Variants in ZNF257 observed in about 807,000 individuals in gnomAD.
ZNF257 encodes the protein bone marrow zinc finger 4.
In ZNF257, 12 loss-of-function variants were observed where a neutral mutation model predicts 11.9. The ratio of observed to expected loss-of-function variants is 1.01; its 90% confidence interval spans 0.65 to 1.63. ZNF257 has a LOEUF of 1.63. Ranked by LOEUF, ZNF257 falls within the 40% of genes most tolerant of loss-of-function variation. The pLI, the probability that ZNF257 is intolerant of heterozygous loss-of-function variation, is 0.00. For missense variants in ZNF257, 580 were observed against 665.5 expected, an observed-to-expected ratio of 0.87 and a Z score of 1.41; for synonymous variants, 183 against 222.7, an observed-to-expected ratio of 0.82 and a Z score of 1.59.
In ZNF257 at chr19:22,089,071, A is replaced by G; in HGVS notation, c.1321A>G (p.Asn441Asp). ...YKCEECGKAF[N>D]RSSYLIRHKI... ...ATGTGAAGAGTGTGGCAAAGCCTTT[A>G]ACCGGTCTTCATACCTTATTCGACA... Residue 441 changes from asparagine to aspartate, a missense_variant, in exon 4 of 4, where the codon AAC (asparagine) becomes GAC (aspartate). By Grantham distance (23) the Asn-to-Asp change is conservative. Transcript: ENST00000594947. 1.2e-6 allele frequency: 2 copies of G among 1,613,614 alleles called. No individual in the cohort carries two copies. The highest frequency in any genetic ancestry group is 1.7e-6 in the Non-Finnish European group (2 of 1,179,844).
chr19:22,090,970 A>T lies in ZNF257; in HGVS notation c.*1528A>T, dbSNP rs1331905334. On this transcript the variant is annotated 3_prime_UTR_variant, in exon 4 of 4. Coordinates refer to ENST00000594947, the MANE Select transcript of ZNF257 (RefSeq NM_033468.4). ...GAGGTTCTTTGTGGTTAACTTAGTGATGTATGAAGTAGTTGCTCATGTTAT... is the reference window on the plus strand; with the variant it reads ...GAGGTTCTTTGTGGTTAACTTAGTGTTGTATGAAGTAGTTGCTCATGTTAT... 1 of 152,144 alleles carries T rather than the reference A, an allele frequency of 6.6e-6. No individual in the cohort carries two copies. Among genetic ancestry groups the T allele is most frequent in the Non-Finnish European group, 1.5e-5 (1 of 68,034 alleles). The allele number at this position is 152,144 out of a possible 1,614,324, so 9.4% of individuals were successfully genotyped here.
intron 3 of ZNF257, among the ~76,000 whole-genome samples, chr19:22,082,438 CTG>C (rs1235257155): frequency 6.6e-6 from 1 of 152,132 alleles, no homozygotes; most frequent in African/African-American, 2.4e-5. Flanking sequence ...CCTCCTAAAA[CTG>C]TAAGATTACA....
chr19:22,054,127 C>T (rs927941419), intron 1 of ZNF257, among the ~76,000 whole-genome samples: 1 of 149,770 alleles, frequency 6.7e-6, no homozygotes, highest in Admixed American at 6.7e-5. Context: ...GGCTGGAGTG[C>T]AGGGGCGAGA....
chr19:22,057,064 T>C (rs1028118368), intron 1 of ZNF257, among the ~76,000 whole-genome samples: 7 of 152,224 alleles, frequency 4.6e-5, no homozygotes, highest in Non-Finnish European at 5.9e-5. Context: ...TTAAATTTTA[T>C]GAGATTAAAC....
chr19:22,068,156 C>CT (rs758701719), intron 1 of ZNF257, among the ~76,000 whole-genome samples: 6,393 of 121,206 alleles, frequency 0.053, 547 homozygotes, highest in African/African-American at 0.16. Flanking sequence ...CTCTGTCCCT[C>CT]TTTTTTTTTT....
chr19:22,087,469 A>T, intron 3 of ZNF257: 1 of 807,630 alleles, frequency 1.2e-6, no homozygotes, highest in East Asian at 3.4e-5. Flanking sequence ...TGCTGCTGTA[A>T]CATTTACCTT....
rs1478331764 is a variant in ZNF257, at chr19:22,072,830, G to A, written c.25G>A (p.Val9Met). MGPLTIRD[V>M]TVEFSLEEWH... ...TCAGGGACCACTGACAATTAGGGATGTGACTGTAGAATTCTCTCTGGAGGA... is the reference window on the plus strand; with the variant it reads ...TCAGGGACCACTGACAATTAGGGATATGACTGTAGAATTCTCTCTGGAGGA... The change falls in exon 2 of 4, where the codon GTG becomes ATG. Residue 9 changes from valine to methionine, a missense_variant. Transcript: ENST00000594947. The A allele has an allele frequency of 6.2e-7, 1 of 1,612,880 alleles. No homozygotes were observed. Among genetic ancestry groups the A allele is most frequent in the Admixed American group, 1.7e-5 (1 of 59,810 alleles).
intron 1 of ZNF257, among the ~76,000 whole-genome samples, chr19:22,055,049 C>T (rs1025495748): frequency 6.6e-6 from 1 of 151,270 alleles, no homozygotes; most frequent in Non-Finnish European, 1.5e-5. Context: ...TTAAGATTGT[C>T]TTCACCCAAC....
chr19:22,054,208 G>T (rs1052327474), intron 1 of ZNF257, among the ~76,000 whole-genome samples: 1 of 151,872 alleles, frequency 6.6e-6, no homozygotes, highest in African/African-American at 2.4e-5. Flanking sequence ...GAGTAGCTGG[G>T]ATTACAGGCA....
intron 1 of ZNF257, among the ~76,000 whole-genome samples, chr19:22,065,351 C>G (rs2021916118): frequency 2.0e-5 from 3 of 151,892 alleles, no homozygotes; most frequent in Non-Finnish European, 4.4e-5. Flanking sequence ...AAGCACCCAC[C>G]ACCATGCACA....
intron 1 of ZNF257, among the ~76,000 whole-genome samples, chr19:22,063,738 G>A (rs904334643): frequency 7.2e-5 from 11 of 152,038 alleles, no homozygotes; most frequent in Non-Finnish European, 1.6e-4. Context: ...TATAATGTAG[G>A]GATTTTTGTA....
chr19:22,077,863 G>A (rs558762929), intron 3 of ZNF257, among the ~76,000 whole-genome samples: 6 of 151,718 alleles, frequency 4.0e-5, no homozygotes, highest in East Asian at 1.9e-4. Context: ...TAATGGCTAC[G>A]CTCCTGATTT....
chr19:22,077,885 C>A (rs1029499595), intron 3 of ZNF257, among the ~76,000 whole-genome samples: 5 of 151,790 alleles, frequency 3.3e-5, no homozygotes, highest in Non-Finnish European at 5.9e-5. Flanking sequence ...CACCAACAAT[C>A]GACATGGGTT....
chr19:22,083,523 C>T (rs1448192332), intron 3 of ZNF257, among the ~76,000 whole-genome samples: 1 of 152,052 alleles, frequency 6.6e-6, no homozygotes, highest in Non-Finnish European at 1.5e-5. Flanking sequence ...TTCATTTTTA[C>T]TTGTCAAAAA....
intron 3 of ZNF257, among the ~76,000 whole-genome samples, chr19:22,084,500 T>G (rs1328497807): frequency 9.9e-5 from 15 of 152,062 alleles, no homozygotes; most frequent in Non-Finnish European, 1.8e-4. Context: ...CTCCTGAGTT[T>G]GTTATTGCTA....
chr19:22,067,761 G>C (rs1344786448), intron 1 of ZNF257, among the ~76,000 whole-genome samples: 1 of 152,048 alleles, frequency 6.6e-6, no homozygotes, highest in Non-Finnish European at 1.5e-5. Context: ...TTGAACCTGG[G>C]AGGCGAAGGT....
At position 22,071,355 on chromosome 19, in the gene ZNF257, G is replaced by C. The variant is rs779029339; in HGVS notation, c.4-1454G>C. Among the ~76,000 whole-genome samples, 116 of 152,118 alleles carry C rather than the reference G, an allele frequency of 7.6e-4. 2 individuals carry two copies. The highest frequency in any genetic ancestry group is 3.1e-4 in the Non-Finnish European group (21 of 68,024). On this transcript the variant is annotated intron_variant, in intron 1 of 3. Transcript: ENST00000594947. ...CTGCAGGTCTTGGTCCTGCCAGTGG[G>C]TGTGGTGGTAGCAGGTAAATGGGTG...
intron 3 of ZNF257, among the ~76,000 whole-genome samples, chr19:22,080,115 G>C (rs1165091503): frequency 6.6e-6 from 1 of 152,048 alleles, no homozygotes; most frequent in East Asian, 1.9e-4. Flanking sequence ...TAGTAGCTGG[G>C]ACTATAGACA....
chr19:22,063,861 C>T (rs10407173), intron 1 of ZNF257, among the ~76,000 whole-genome samples: 36,120 of 152,030 alleles, frequency 0.24, 5,832 homozygotes, highest in African/African-American at 0.46. Flanking sequence ...TGTAGATATC[C>T]ATTAGGACTA....
Sources: gnomAD v4.1 joint callset for allele counts (sites outside exome capture counted in the v4.1 genomes callset) on GRCh38, gnomAD v4.1.1 for gene constraint, MANE v1.5 for transcripts, NCBI Gene and HGNC (gene_info 2026-07-23, HGNC 2026-07-21) for gene names.